The following OR8B2 variants were observed in gnomAD, a reference collection of about 807,000 sequenced individuals.
OR8B2 encodes the protein olfactory receptor family 8 subfamily B member 2, also known as olfactory receptor 8B2.
For missense variants in OR8B2, 304 were observed against 379.6 expected (o/e 0.80, Z 1.65); for synonymous variants, 98 against 138.2 (o/e 0.71, Z 2.04).
chr11:124,386,398 C>G (rs1477485810), upstream of OR8B2, among the ~76,000 whole-genome samples: 746 of 95,624 alleles, frequency 7.8e-3, 18 homozygotes, highest in African/African-American at 0.029. Context: ...CTAAAGCTAT[C>G]CCTCCCCCCT....
At chr11:124,390,590 G>A in the OR8B2 span, among the ~76,000 whole-genome samples, 1 of 152,102 alleles carries the variant, frequency 6.6e-6, no homozygotes, top group East Asian at 1.9e-4. Flanking sequence ...TGAATCATTT[G>A]TCTGTTTATT....
At position 124,382,809 on chromosome 11, in the gene OR8B2, A is replaced by C; in HGVS notation, c.535T>G (p.Cys179Gly). 6.2e-7 allele frequency: 1 copy of C among 1,604,298 alleles called. No homozygotes were observed. The highest frequency in any genetic ancestry group is 8.5e-7 in the Non-Finnish European group (1 of 1,172,066). Residue 179 changes from cysteine to glycine, a missense_variant, in exon 2 of 2, where the codon TGT (cysteine) becomes GGT (glycine). Physicochemically the swap from Cys to Gly is radical, Grantham distance 159. Transcript: ENST00000641451. ...CSANIINHYL[C>G]DILPLLQLSC... ...AGCTGGAGGAGGGGGAGTATGTCAC[A>C]CAAGTAATGGTTGATGATATTAGCA...
chr11:124,390,573 T>G, the OR8B2 span, among the ~76,000 whole-genome samples: 1 of 152,212 alleles, frequency 6.6e-6, no homozygotes, highest in Non-Finnish European at 1.5e-5. Context: ...CTTTCGGATA[T>G]GTCATTTGAA....
chr11:124,383,874 C>A (rs898930068), intron 1 of OR8B2, among the ~76,000 whole-genome samples: 1 of 152,058 alleles, frequency 6.6e-6, no homozygotes, highest in Non-Finnish European at 1.5e-5. Context: ...AAAAGAAGAC[C>A]CTTAGTAGTC....
At chr11:124,395,274 C>T in the OR8B2 span, among the ~76,000 whole-genome samples, 3 of 151,648 alleles carry the variant, frequency 2.0e-5, no homozygotes, top group African/African-American at 7.3e-5. Context: ...AAAAAAAAGA[C>T]AAAAACAAAA....
the OR8B2 span, chr11:124,397,009 A>G: frequency 6.2e-7 from 1 of 1,613,924 alleles, no homozygotes; most frequent in South Asian, 1.1e-5. Context: ...ATTGAGGTCA[A>G]CATGTAACAT....
the OR8B2 span, chr11:124,396,207 C>T: frequency 1.5e-5 from 8 of 539,100 alleles, no homozygotes; most frequent in Non-Finnish European, 2.3e-5. Context: ...TACAAAGATG[C>T]CATGACCTAT....
chr11:124,396,912 G>A, the OR8B2 span: 7 of 1,604,408 alleles, frequency 4.4e-6, no homozygotes, highest in Non-Finnish European at 5.1e-6. Context: ...TATGTAAGCA[G>A]CAAAAGTGAG....
the OR8B2 span, among the ~76,000 whole-genome samples, chr11:124,391,221 A>G: frequency 5.9e-5 from 9 of 152,278 alleles, no homozygotes; most frequent in African/African-American, 1.4e-4. Flanking sequence ...GAAAAGCAAG[A>G]GCAAACACAT....
In OR8B2 at chr11:124,382,735, C is replaced by T. The variant is rs1185585049; in HGVS notation, c.609G>A (p.Val203=). 6.2e-7 allele frequency: 1 copy of T among 1,613,686 alleles called. No individual in the cohort carries two copies. The highest frequency in any genetic ancestry group is 8.5e-7 in the Non-Finnish European group (1 of 1,179,846). The part of the protein sequence containing the change: ...YVNEVVVLIV[V]GTNITVPSCT... The stretch of plus-strand genomic sequence containing the variant: ...AACTGGGTACCGTGATATTAGTACC[C>T]ACAACAATGAGAACAACCACCTCGT... The change falls in exon 2 of 2, where the codon GTG becomes GTA. Residue 203 remains valine, a synonymous_variant. Coordinates refer to ENST00000641451, the MANE Select transcript of OR8B2 (RefSeq NM_001005468.2).
At chr11:124,395,724 A>T in the OR8B2 span, 13 of 152,192 alleles carry the variant, frequency 8.5e-5, no homozygotes, top group African/African-American at 3.1e-4. Context: ...GTCCACATGT[A>T]TTATTTCTCT....
At chr11:124,393,423 A>G in the OR8B2 span, among the ~76,000 whole-genome samples, 1 of 147,520 alleles carries the variant, frequency 6.8e-6, no homozygotes, top group African/African-American at 2.7e-5. Flanking sequence ...CAAGAAAAAA[A>G]CAAACAACCC....
rs770029129 is a variant in OR8B2 at position 124,383,338 on chromosome 11, C to T, written c.6G>A (p.Leu2=). 30 of 1,582,556 alleles carry T rather than the reference C, an allele frequency of 1.9e-5. No individual in the cohort carries two copies. The highest frequency in any genetic ancestry group is 1.8e-4 in the African/African-American group (13 of 73,208). Residue 2 remains leucine (L), a synonymous_variant, in exon 2 of 2, where the codon CTG becomes CTA. Transcript: ENST00000641451. ...CAGTCACTAAGGAGTTGTTTCTAGC[C>T]AGCATTTTTTGTCTTCAAAAATCTG... M[L]ARNNSLVTEF... is the part of the protein sequence containing the mutation.
the OR8B2 span, among the ~76,000 whole-genome samples, chr11:124,392,479 A>G: frequency 1.1e-5 from 1 of 93,484 alleles, no homozygotes; most frequent in Non-Finnish European, 2.0e-5. Context: ...ACAGACAAAC[A>G]GAGAGCCAAA....
At chr11:124,397,127 A>T in the OR8B2 span, 2 of 1,613,352 alleles carry the variant, frequency 1.2e-6, no homozygotes, top group Non-Finnish European at 1.7e-6. Flanking sequence ...GAGTGAAAAC[A>T]GAGGAGTAAC....
At position 124,383,115 on chromosome 11, in the gene OR8B2, A is replaced by C. The variant is rs772752968; in HGVS notation, c.229T>G (p.Phe77Val). The C allele has an allele frequency of 6.2e-7, 1 of 1,613,890 alleles. No individual in the cohort carries two copies. Among genetic ancestry groups the C allele is most frequent in the Admixed American group, 1.7e-5 (1 of 59,972 alleles). ...SFIDLCYSSV[F>V]TPKMLMNFVS... ...AAGTTCATTAGCATTTTGGGAGTGA[A>C]AACAGAGGAGTAACAGAGATCAATG... The change falls in exon 2 of 2, where the codon TTC becomes GTC. Residue 77 changes from phenylalanine to valine, a missense_variant. By Grantham distance (50) the Phe-to-Val change is conservative. Transcript: ENST00000641451.
chr11:124,392,789 A>G, the OR8B2 span, among the ~76,000 whole-genome samples: 13 of 150,508 alleles, frequency 8.6e-5, no homozygotes, highest in African/African-American at 3.2e-4. Flanking sequence ...GAACCAAAAA[A>G]GAGCCCGCAT....
At chr11:124,388,605 G>A (rs933712253), upstream of OR8B2, among the ~76,000 whole-genome samples, 2 of 152,040 alleles carry the variant, frequency 1.3e-5, no homozygotes, top group African/African-American at 4.8e-5. Context: ...AGTTGATGAT[G>A]CATGAGGCCT....
upstream of OR8B2, among the ~76,000 whole-genome samples, chr11:124,386,298 G>A (rs1332544864): frequency 4.7e-5 from 7 of 149,346 alleles, no homozygotes; most frequent in East Asian, 1.4e-3. Context: ...GGGTACGTGT[G>A]CACAATGTGC....
Sources: allele counts gnomAD v4.1 joint callset (sites outside exome capture counted in the v4.1 genomes callset), GRCh38; gene constraint gnomAD v4.1.1; transcripts MANE v1.5; gene names NCBI Gene and HGNC (gene_info 2026-07-23, HGNC 2026-07-21).